The following VGLL4 variants were observed in gnomAD, a reference collection of about 807,000 sequenced individuals.
VGLL4 encodes vestigial like family member 4, also known as transcription cofactor vestigial-like protein 4.
In VGLL4, 7 loss-of-function variants were observed where a neutral mutation model predicts 21.0. The ratio of observed to expected loss-of-function variants is 0.33; its 90% confidence interval spans 0.19 to 0.63. The LOEUF is 0.63. Ranked by LOEUF, VGLL4 falls within the 20% of genes least tolerant of loss-of-function variation. The pLI is 0.78. For missense variants in VGLL4, 394 were observed against 425.7 expected (o/e 0.93, Z 0.66); for synonymous variants, 222 against 173.2 (o/e 1.28, Z -2.21).
In VGLL4 at chr3:11,719,694, C is replaced by T. The variant is rs2076966982; in HGVS notation, c.-14+700G>A. The T allele has an allele frequency of 6.6e-6, 1 of 151,534 alleles. No individual in the cohort carries two copies. The highest frequency in any genetic ancestry group is 1.5e-5 in the Non-Finnish European group (1 of 67,948). 9.4% of individuals were successfully genotyped at this position (151,534 alleles called of 1,614,324 possible). A position where few individuals can be genotyped will look rare whatever the true frequency, so the allele number is the denominator to read the frequency against. On this transcript the variant is annotated intron_variant, in intron 1 of 5. Coordinates refer to the VGLL4 transcript ENST00000273038. The surrounding 1 kb of genome is among the most constrained non-coding windows in gnomAD (Gnocchi z 4.0). ...CTCCGCCAGGCCAGCCAGGCCACGC[C>T]CTCGGTCACGCCCCTCACGGAGCAG... is the stretch of plus-strand genomic sequence containing the variant.
Position 11,565,288 on chromosome 3 carries a change from T to C in VGLL4, c.273-269A>G, listed in dbSNP as rs1394968084. ...CTCAGTGGCGTCCTCTGCCTGACTC[T>C]GTGTTCACTTCTATAATAATCTCCA... On this transcript the variant is annotated intron_variant, in intron 2 of 4. Coordinates refer to ENST00000430365, the MANE Select transcript of VGLL4 (RefSeq NM_001128219.3). The surrounding 1 kb of genome is among the most constrained non-coding windows in gnomAD (Gnocchi z 4.1). Among the ~76,000 whole-genome samples the C allele has an allele frequency of 1.3e-5, 2 of 152,110 alleles. No individual in the cohort carries two copies. The highest frequency in any genetic ancestry group is 2.9e-5 in the Non-Finnish European group (2 of 68,040).
intron 1 of VGLL4, among the ~76,000 whole-genome samples, chr3:11,714,296 C>T (rs1394116550): frequency 6.6e-6 from 1 of 152,174 alleles, no homozygotes; most frequent in East Asian, 1.9e-4. Context: ...GGTGGGCCCA[C>T]ACTGAAACTA....
At chr3:11,606,907 C>A (rs1401147270) in intron 1 of VGLL4, among the ~76,000 whole-genome samples, 1 of 152,154 alleles carries the variant, frequency 6.6e-6, no homozygotes, top group Non-Finnish European at 1.5e-5. Flanking sequence ...TCCGTGCCAC[C>A]TTTAAGAGCT....
intron 1 of VGLL4, among the ~76,000 whole-genome samples, chr3:11,705,013 A>T (rs1266855183): frequency 2.0e-5 from 3 of 152,222 alleles, no homozygotes; most frequent in Non-Finnish European, 4.4e-5. Context: ...CACGCTGCCC[A>T]AATCGCCTAC....
intron 1 of VGLL4, among the ~76,000 whole-genome samples, chr3:11,635,585 T>G (rs979175680): frequency 5.3e-5 from 8 of 152,232 alleles, no homozygotes; most frequent in African/African-American, 1.9e-4. Context: ...CTGTATGCAC[T>G]GTATCAAACA....
chr3:11,563,696 G>C (rs910868448), intron 3 of VGLL4, among the ~76,000 whole-genome samples: 20 of 152,206 alleles, frequency 1.3e-4, no homozygotes, highest in African/African-American at 4.8e-4. Flanking sequence ...AGCGTGCTGA[G>C]AACAAAAACT....
intron 4 of VGLL4, 90 bp downstream of exon 4, chr3:11,559,242 G>T: frequency 1.4e-6 from 2 of 1,451,078 alleles, no homozygotes; most frequent in South Asian, 1.4e-5. Context: ...ATGGGCTCAG[G>T]GGCGAGAGGT....
At chr3:11,652,461 C>T (rs2075887871) in intron 2 of VGLL4, among the ~76,000 whole-genome samples, 1 of 151,948 alleles carries the variant, frequency 6.6e-6, no homozygotes, top group African/African-American at 2.4e-5. Context: ...ACTCTGTTGC[C>T]CAGGCTGGAG....
intron 1 of VGLL4, among the ~76,000 whole-genome samples, chr3:11,613,986 C>T (rs778947294): frequency 4.6e-5 from 7 of 152,288 alleles, no homozygotes; most frequent in Middle Eastern, 3.4e-3. Flanking sequence ...CACCAGGAGC[C>T]GGCGACGTCA....
chr3:11,669,737 T>C (rs909843051), intron 2 of VGLL4, among the ~76,000 whole-genome samples: 3 of 152,052 alleles, frequency 2.0e-5, no homozygotes, highest in Non-Finnish European at 2.9e-5. Flanking sequence ...TGGAGAACAA[T>C]GGTGTGATCA....
At chr3:11,639,036 TTCCTACTTTCTC>T (rs1205624489) in intron 1 of VGLL4, among the ~76,000 whole-genome samples, 1 of 152,204 alleles carries the variant, frequency 6.6e-6, no homozygotes, top group African/African-American at 2.4e-5. Flanking sequence ...ATGCAATGTA[TTCCTACTTTCTC>T]CCAATATAAA....
chr3:11,673,973 C>A (rs539743612), intron 2 of VGLL4, among the ~76,000 whole-genome samples: 1 of 134,726 alleles, frequency 7.4e-6, no homozygotes, highest in African/African-American at 2.8e-5. Context: ...GATCGCGCCA[C>A]TGCACTCCAG....
chr3:11,709,229 A>G (rs2076803600), intron 1 of VGLL4, among the ~76,000 whole-genome samples: 2 of 151,802 alleles, frequency 1.3e-5, no homozygotes, highest in Non-Finnish European at 2.9e-5. Context: ...CAAGGTCAGG[A>G]GTTCAAGACG....
chr3:11,665,095 A>ATTTT (rs1559932541), intron 2 of VGLL4, among the ~76,000 whole-genome samples: 2 of 78,414 alleles, frequency 2.6e-5, no homozygotes, highest in Admixed American at 1.3e-4. Context: ...CAATTTGAAT[A>ATTTT]TTTTTCTTTT....
At chr3:11,613,117 G>A (rs994762153) in intron 1 of VGLL4, among the ~76,000 whole-genome samples, 2 of 152,012 alleles carry the variant, frequency 1.3e-5, no homozygotes, top group Non-Finnish European at 2.9e-5. Context: ...CCAAGCCTCC[G>A]GAGGGACCCT....
chr3:11,635,422 A>C (rs969255066), intron 1 of VGLL4, among the ~76,000 whole-genome samples: 1 of 152,248 alleles, frequency 6.6e-6, no homozygotes, highest in Non-Finnish European at 1.5e-5. Flanking sequence ...AGGAAGGAAC[A>C]TGAATGGTGA....
At chr3:11,642,600 C>T (rs73814964) in intron 1 of VGLL4, among the ~76,000 whole-genome samples, 2,227 of 152,358 alleles carry the variant, frequency 0.015, 20 homozygotes, top group South Asian at 0.046. Flanking sequence ...GCGGCAGACC[C>T]AGGGCCATTG....
rs561439383 is a variant in VGLL4 at position 11,559,233 on chromosome 3, T to C, written c.619+99A>G. The C allele has an allele frequency of 5.6e-6, 8 of 1,437,400 alleles. No individual in the cohort carries two copies. In the South Asian group the frequency reaches 8.9e-5, roughly 16 times the overall value. The allele number at this position is 1,437,400 out of a possible 1,614,324, so 89.0% of individuals were successfully genotyped here. A position where few individuals can be genotyped will look rare whatever the true frequency, so the allele number is the denominator to read the frequency against. The stretch of plus-strand genomic sequence containing the variant: ...ATACTTTTTCAACCTCAGCAATAGA[T>C]GGGCTCAGGGGCGAGAGGTTTCAGC... On this transcript the variant is annotated intron_variant, in intron 4 of 4. Transcript: ENST00000430365.
At chr3:11,689,676 G>A (rs2076499242) in intron 2 of VGLL4, among the ~76,000 whole-genome samples, 1 of 152,082 alleles carries the variant, frequency 6.6e-6, no homozygotes, top group Non-Finnish European at 1.5e-5. Context: ...TCACACTTTG[G>A]AATAAAAGAC....
Sources: gnomAD v4.1 joint callset for allele counts (sites outside exome capture counted in the v4.1 genomes callset) on GRCh38, gnomAD v4.1.1 for gene constraint, Gnocchi (gnomAD v3.1) non-coding constraint, MANE v1.5 for transcripts, NCBI Gene and HGNC (gene_info 2026-07-23, HGNC 2026-07-21) for gene names.